PRICKLE1: variants seen among roughly 807,000 people sequenced by gnomAD.
The protein encoded by PRICKLE1 is prickle planar cell polarity protein 1.
PRICKLE1 carries 14 observed loss-of-function variants against 70.2 expected under a neutral mutation model. That is an observed-to-expected ratio of 0.20 (90% confidence interval 0.13 to 0.31). PRICKLE1 has a LOEUF of 0.31. PRICKLE1 is among the 10% of genes least tolerant of loss of function. The probability of loss-of-function intolerance (pLI) is 1.00; values close to 1 mark genes in which losing one functional copy is unlikely to be tolerated. For missense variants in PRICKLE1, 821 were observed against 1,026.2 expected (o/e 0.80, Z 2.73); for synonymous variants, 357 against 379.9 (o/e 0.94, Z 0.70).
chr12:42,497,053 T>G (rs1314411795), intron 1 of PRICKLE1, among the ~76,000 whole-genome samples: 1 of 152,208 alleles, frequency 6.6e-6, no homozygotes, highest in Non-Finnish European at 1.5e-5. Flanking sequence ...CATGTCTTAC[T>G]CACTAAGCTT....
rs567650778 is a variant in PRICKLE1 at position 42,459,127 on chromosome 12, C to CA, written c.*681dup. 3.8e-5 allele frequency: 20 copies of CA among 522,116 alleles called. No individual in the cohort carries two copies. The highest frequency in any genetic ancestry group is 6.5e-5 in the Non-Finnish European group (19 of 292,814). 32.3% of individuals were successfully genotyped at this position (522,116 alleles called of 1,614,324 possible). A position where few individuals can be genotyped will look rare whatever the true frequency, so the allele number is the denominator to read the frequency against. ...GCACTGCAGCGTAACAAACGGCTTACAATTCAGGGATATAAAAATATCAGC... is the reference window on the plus strand; with the variant it reads ...GCACTGCAGCGTAACAAACGGCTTACAAATTCAGGGATATAAAAATATCAGC... On this transcript the variant is annotated 3_prime_UTR_variant, in exon 8 of 8. Coordinates refer to ENST00000345127, the MANE Select transcript of PRICKLE1 (RefSeq NM_153026.3).
rs1200345034 is a variant in PRICKLE1 at position 42,560,703 on chromosome 12, G to T, written c.-49+28762C>A. 2.0e-5 allele frequency among the ~76,000 whole-genome samples: 3 copies of T among 151,722 alleles called. No individual in the cohort carries two copies. The East Asian group carries it at 5.8e-4, about 29-fold the overall frequency. The stretch of plus-strand genomic sequence containing the variant: ...TTCACAACTAAGGTTAGACAAGGGT[G>T]GATGTGCATCTAATTCTAGAAAAAA... On this transcript the variant is annotated intron_variant, in intron 1 of 7. Transcript: ENST00000345127.
chr12:42,508,569 G>T (rs1247249890), intron 1 of PRICKLE1, among the ~76,000 whole-genome samples: 2 of 152,134 alleles, frequency 1.3e-5, no homozygotes, highest in Admixed American at 1.3e-4. Flanking sequence ...ATAAGGAACT[G>T]CTTCATAAAT....
Position 42,469,719 on chromosome 12 carries a change from T to A in PRICKLE1, c.247-132A>T, listed in dbSNP as rs945341203. ...CGCCTGTGTCACACCCCCACGATTT[T>A]AAAATGACACCATATCTGAATTTTA... On this transcript the variant is annotated intron_variant, in intron 3 of 7. Coordinates refer to ENST00000345127, the MANE Select transcript of PRICKLE1 (RefSeq NM_153026.3). The A allele has an allele frequency of 1.2e-5, 13 of 1,089,864 alleles. No homozygotes were observed. The African/African-American group carries it at 2.0e-4, about 17-fold the overall frequency. The allele number at this position is 1,089,864 out of a possible 1,614,324, so 67.5% of individuals were successfully genotyped here.
intron 1 of PRICKLE1, among the ~76,000 whole-genome samples, chr12:42,548,821 G>T (rs1940256065): frequency 6.6e-6 from 1 of 152,010 alleles, no homozygotes; most frequent in Non-Finnish European, 1.5e-5. Context: ...CCATCACTTG[G>T]TTTAAGAAGA....
intron 1 of PRICKLE1, among the ~76,000 whole-genome samples, chr12:42,570,100 C>T (rs1940682607): frequency 6.6e-6 from 1 of 152,238 alleles, no homozygotes; most frequent in Non-Finnish European, 1.5e-5. Flanking sequence ...TAGTGCATGA[C>T]ACCTGAGCGG....
intron 1 of PRICKLE1, among the ~76,000 whole-genome samples, chr12:42,521,929 GGTGTGTGTGTGTGTGT>G (rs72169209): frequency 1.1e-4 from 15 of 139,908 alleles, no homozygotes; most frequent in Admixed American, 2.1e-4. Context: ...GTTTGTTTTT[GGTGTGTGTGTGTGTGT>G]GTGTGTGTGT....
chr12:42,545,836 C>T (rs1940198183), intron 1 of PRICKLE1, among the ~76,000 whole-genome samples: 1 of 143,700 alleles, frequency 7.0e-6, no homozygotes, highest in Non-Finnish European at 1.5e-5. Flanking sequence ...GGTGACAGAG[C>T]AAGACTCCGT....
At chr12:42,473,496 T>G (rs112678881) in intron 1 of PRICKLE1, among the ~76,000 whole-genome samples, 124 of 152,288 alleles carry the variant, frequency 8.1e-4, no homozygotes, top group African/African-American at 2.9e-3. Flanking sequence ...CTATCACCAT[T>G]TATGTTCTTT....
chr12:42,531,744 A>G (rs968937141), intron 1 of PRICKLE1, among the ~76,000 whole-genome samples: 6 of 152,254 alleles, frequency 3.9e-5, no homozygotes, highest in Non-Finnish European at 7.3e-5. Flanking sequence ...GATTCACTGT[A>G]AAATGAACAA....
intron 1 of PRICKLE1, chr12:42,483,393 G>C (rs557253283): frequency 1.3e-5 from 2 of 151,880 alleles, no homozygotes; most frequent in Admixed American, 6.5e-5. Flanking sequence ...CCGGACAGCG[G>C]CCGAGCGCGG....
At chr12:42,571,612 A>T (rs1258152929) in intron 1 of PRICKLE1, among the ~76,000 whole-genome samples, 1 of 152,216 alleles carries the variant, frequency 6.6e-6, no homozygotes, top group East Asian at 1.9e-4. Context: ...CACCTGATGG[A>T]CGGGAGCTTA....
intron 1 of PRICKLE1, among the ~76,000 whole-genome samples, chr12:42,557,022 C>T (rs1940424444): frequency 6.6e-6 from 1 of 151,592 alleles, no homozygotes; most frequent in African/African-American, 2.4e-5. Flanking sequence ...CAGGTTCTTA[C>T]CATCTTGCCC....
intron 1 of PRICKLE1, among the ~76,000 whole-genome samples, chr12:42,523,039 G>T (rs1028548070): frequency 6.7e-6 from 1 of 150,292 alleles, no homozygotes; most frequent in South Asian, 2.1e-4. Context: ...TCGGCTCACT[G>T]CAACCACCGC....
chr12:42,571,478 G>C (rs907402636), intron 1 of PRICKLE1, among the ~76,000 whole-genome samples: 1 of 152,332 alleles, frequency 6.6e-6, no homozygotes, highest in African/African-American at 2.4e-5. Context: ...GCTGGTGAGG[G>C]GTGGATCCTA....
chr12:42,552,265 GC>G (rs955736679), intron 1 of PRICKLE1, among the ~76,000 whole-genome samples: 16 of 151,960 alleles, frequency 1.1e-4, no homozygotes, highest in African/African-American at 3.6e-4. Context: ...ACAGGGTTTT[GC>G]CATGTTGCCT....
intron 1 of PRICKLE1, among the ~76,000 whole-genome samples, chr12:42,496,476 A>G (rs554550374): frequency 6.6e-6 from 1 of 152,294 alleles, no homozygotes; most frequent in South Asian, 2.1e-4. Flanking sequence ...ATCAGCTCCT[A>G]ACTAGAGAGT....
chr12:42,477,268 A>G (rs1346781112), intron 1 of PRICKLE1, among the ~76,000 whole-genome samples: 1 of 151,660 alleles, frequency 6.6e-6, no homozygotes, highest in Non-Finnish European at 1.5e-5. Context: ...GCTACTCGAG[A>G]GGCTGAGGCA....
intron 1 of PRICKLE1, among the ~76,000 whole-genome samples, chr12:42,473,429 T>G (rs951308800): frequency 1.3e-5 from 2 of 152,190 alleles, no homozygotes; most frequent in Admixed American, 1.3e-4. Context: ...CCTCCTTGGA[T>G]GAAGGGCTAT....
Sources: allele counts gnomAD v4.1 joint callset (sites outside exome capture counted in the v4.1 genomes callset), GRCh38; gene constraint gnomAD v4.1.1; transcripts MANE v1.5; gene names NCBI Gene and HGNC (gene_info 2026-07-23, HGNC 2026-07-21).